The following ELOVL6 variants were observed in gnomAD, a reference collection of about 807,000 sequenced individuals.
ELOVL6 encodes the protein ELOVL fatty acid elongase 6, also known as very long chain fatty acid elongase 6.
A neutral mutation model predicts 31.7 loss-of-function variants in ELOVL6; 8 were observed. The observed-to-expected ratio is 0.25, with a 90% CI of 0.15 to 0.45. The LOEUF is 0.45. Among genes scored for constraint, ELOVL6 ranks in the 20% least tolerant of loss-of-function variants. ELOVL6 has a pLI of 1.00. For missense variants in ELOVL6, 126 were observed against 326.4 expected, an observed-to-expected ratio of 0.39 and a Z score of 4.73; for synonymous variants, 101 against 117.7, an observed-to-expected ratio of 0.86 and a Z score of 0.92.
Position 110,143,265 on chromosome 4 carries a change from T to C in ELOVL6, c.90-37637A>G, listed in dbSNP as rs1013309297. ...GATTTTCACACAAATTAGACTGTAG[T>C]GCTTTTTTTTTTAACTTATCTTTAC... On this transcript the variant is annotated intron_variant, in intron 1 of 3. Transcript: ENST00000302274. Among the ~76,000 whole-genome samples the C allele has an allele frequency of 1.9e-4, 29 of 152,140 alleles. 1 individual carries two copies. The highest frequency in any genetic ancestry group is 1.8e-3 in the Admixed American group (27 of 15,280).
intron 1 of ELOVL6, among the ~76,000 whole-genome samples, chr4:110,140,202 T>C (rs1757916108): frequency 6.6e-6 from 1 of 152,196 alleles, no homozygotes; most frequent in South Asian, 2.1e-4. Flanking sequence ...TTGGGTCTCT[T>C]TTCTTTTACT....
chr4:110,066,637 CAAAAAAAAA>C (rs1209180349), intron 2 of ELOVL6, among the ~76,000 whole-genome samples: 5 of 56,556 alleles, frequency 8.8e-5, no homozygotes, highest in African/African-American at 2.0e-4. Flanking sequence ...TCTGTCTCAA[CAAAAAAAAA>C]AAAAAAAAAA....
At chr4:110,093,044 C>A in intron 2 of ELOVL6, 1 of 424,532 alleles carries the variant, frequency 2.4e-6, no homozygotes, top group Non-Finnish European at 4.6e-6. Flanking sequence ...TTCAAAAGAG[C>A]TATGGTATTC....
intron 1 of ELOVL6, among the ~76,000 whole-genome samples, chr4:110,124,454 A>G (rs1485232446): frequency 6.6e-6 from 1 of 152,148 alleles, no homozygotes; most frequent in Non-Finnish European, 1.5e-5. Context: ...CTAACACAGG[A>G]ACAGAAAACC....
chr4:110,071,302 T>C (rs1755473478), intron 2 of ELOVL6, among the ~76,000 whole-genome samples: 3 of 152,218 alleles, frequency 2.0e-5, no homozygotes, highest in African/African-American at 7.2e-5. Flanking sequence ...AACTGAATTA[T>C]TATTAGCACA....
At chr4:110,184,001 A>C (rs1482216284) in intron 1 of ELOVL6, among the ~76,000 whole-genome samples, 1 of 152,206 alleles carries the variant, frequency 6.6e-6, no homozygotes. Context: ...ATCAATCAAT[A>C]AAATATAAAA....
Position 110,051,558 on chromosome 4 carries a change from T to A in ELOVL6, c.578A>T (p.Lys193Met), listed in dbSNP as rs765953213. The A allele has an allele frequency of 6.2e-7, 1 of 1,614,158 alleles. No individual in the cohort carries two copies. Among genetic ancestry groups the A allele is most frequent in the Non-Finnish European group, 8.5e-7 (1 of 1,180,010 alleles). The change falls in exon 4 of 4, where the codon AAG becomes ATG. Residue 193 changes from lysine to methionine, a missense_variant. By Grantham distance (95) the Lys-to-Met change is moderately conservative (BLOSUM62 -1). Transcript: ENST00000302274. The surrounding 1 kb of genome is among the most constrained non-coding windows in gnomAD (Gnocchi z 4.8). ...LRAAGFRVSR[K>M]FAMFITLSQI... ...GGACAAGGTGATGAACATGGCAAAC[T>A]TCCGGGAGACTCGGAAACCTGCCGC...
At chr4:110,184,381 A>G (rs947573736) in intron 1 of ELOVL6, among the ~76,000 whole-genome samples, 2 of 152,226 alleles carry the variant, frequency 1.3e-5, no homozygotes, top group African/African-American at 4.8e-5. Flanking sequence ...GTGCCAGTGA[A>G]CCACAAATAA....
At chr4:110,137,324 G>A (rs1757839037) in intron 1 of ELOVL6, among the ~76,000 whole-genome samples, 1 of 152,070 alleles carries the variant, frequency 6.6e-6, no homozygotes, top group African/African-American at 2.4e-5. Flanking sequence ...GGCTGCTTCC[G>A]CCTAAGAAGT....
At chr4:110,163,155 C>T (rs767860092) in intron 1 of ELOVL6, among the ~76,000 whole-genome samples, 4 of 152,180 alleles carry the variant, frequency 2.6e-5, no homozygotes, top group South Asian at 2.1e-4. Flanking sequence ...TACTTGGGTG[C>T]GAAGCCATAC....
intron 1 of ELOVL6, among the ~76,000 whole-genome samples, chr4:110,141,586 A>G (rs1165248641): frequency 6.6e-6 from 1 of 151,556 alleles, no homozygotes; most frequent in East Asian, 1.9e-4. Flanking sequence ...GGCGATCCTA[A>G]CCTTGAGAAT....
chr4:110,157,132 G>C (rs1758454672), intron 1 of ELOVL6, among the ~76,000 whole-genome samples: 1 of 152,188 alleles, frequency 6.6e-6, no homozygotes, highest in African/African-American at 2.4e-5. Flanking sequence ...AGGCCAAGAA[G>C]AAGGAGGAGG....
intron 1 of ELOVL6, among the ~76,000 whole-genome samples, chr4:110,183,719 C>G (rs1040497392): frequency 6.6e-6 from 1 of 151,948 alleles, no homozygotes; most frequent in Non-Finnish European, 1.5e-5. Context: ...TAAAAGTCAT[C>G]TCAGCCAGGC....
rs559366660 is a variant in ELOVL6, at chr4:110,177,910, A to G, written c.89+20337T>C. Among the ~76,000 whole-genome samples, 263 of 152,350 alleles carry G rather than the reference A, an allele frequency of 1.7e-3. 1 individual carries two copies. Among genetic ancestry groups the G allele is most frequent in the African/African-American group, 6.1e-3 (255 of 41,584 alleles). On this transcript the variant is annotated intron_variant, in intron 1 of 3. Transcript: ENST00000302274. ...TACCCAAAAATGACATAATCCATGA[A>G]GAAAATAATCTGAAACTTATTGCAT...
At chr4:110,096,355 T>C (rs571226639) in intron 2 of ELOVL6, among the ~76,000 whole-genome samples, 2 of 152,316 alleles carry the variant, frequency 1.3e-5, no homozygotes, top group East Asian at 3.9e-4. Context: ...TTATAGCTCG[T>C]GGTTTCTCAA....
chr4:110,082,527 AG>A (rs1755894088), intron 2 of ELOVL6, among the ~76,000 whole-genome samples: 2 of 152,036 alleles, frequency 1.3e-5, no homozygotes, highest in South Asian at 4.1e-4. Flanking sequence ...TCTCACTCAT[AG>A]GTGGGAATTG....
intron 1 of ELOVL6, among the ~76,000 whole-genome samples, chr4:110,107,388 A>G (rs1756918309): frequency 6.6e-6 from 1 of 152,222 alleles, no homozygotes; most frequent in Admixed American, 6.5e-5. Context: ...CTGATGGGGA[A>G]AATAATCAGG....
chr4:110,075,276 A>G (rs566205323), intron 2 of ELOVL6, among the ~76,000 whole-genome samples: 2 of 152,342 alleles, frequency 1.3e-5, no homozygotes, highest in South Asian at 4.1e-4. Flanking sequence ...TGTGTATTCA[A>G]AAGAATTAGA....
At chr4:110,188,070 T>C (rs1047188490) in intron 1 of ELOVL6, among the ~76,000 whole-genome samples, 19 of 152,166 alleles carry the variant, frequency 1.2e-4, no homozygotes, top group African/African-American at 4.6e-4. Context: ...AACCCACATA[T>C]TTTTATTTTA....
Sources: gnomAD v4.1 joint callset for allele counts (sites outside exome capture counted in the v4.1 genomes callset) on GRCh38, gnomAD v4.1.1 for gene constraint, Gnocchi (gnomAD v3.1) non-coding constraint, MANE v1.5 for transcripts, NCBI Gene and HGNC (gene_info 2026-07-23, HGNC 2026-07-21) for gene names.